The following FAF1 variants were observed in gnomAD, a reference collection of about 807,000 sequenced individuals.
FAF1 encodes the protein Fas associated factor 1.
In FAF1, 25 loss-of-function variants were observed where a neutral mutation model predicts 92.5. The observed-to-expected ratio is 0.27, with a 90% CI of 0.20 to 0.38. The LOEUF (loss-of-function observed/expected upper bound fraction) is 0.38. Ranked by LOEUF, FAF1 falls within the 10% of genes least tolerant of loss-of-function variation. The pLI, the probability that FAF1 is intolerant of heterozygous loss-of-function variation, is 1.00. For missense variants in FAF1, 636 were observed against 793.3 expected (o/e 0.80, Z 2.38); for synonymous variants, 234 against 273.2 (o/e 0.86, Z 1.42).
chr1:50,617,447 C>T (rs544454144), intron 8 of FAF1, among the ~76,000 whole-genome samples: 4 of 152,270 alleles, frequency 2.6e-5, no homozygotes, highest in African/African-American at 9.6e-5. Context: ...TGGTGAATCA[C>T]ATTTATTGAT....
Position 50,960,154 on chromosome 1 carries a change from G to A in FAF1, c.-343C>T, listed in dbSNP as rs1645305788. On this transcript the variant is annotated 5_prime_UTR_variant, in exon 1 of 19. Transcript: ENST00000396153. ...GACAGCGCGCACCCGGATACCTTCA[G>A]CGGCGTTAAGCCCGGCGGGGGCGGG... The A allele has an allele frequency of 3.0e-6, 1 of 338,028 alleles. No individual in the cohort carries two copies. The highest frequency in any genetic ancestry group is 4.1e-5 in the East Asian group (1 of 24,264). 20.9% of individuals were successfully genotyped at this position (338,028 alleles called of 1,614,324 possible). A position where few individuals can be genotyped will look rare whatever the true frequency, so the allele number is the denominator to read the frequency against.
At chr1:50,951,238 G>A (rs760355281) in intron 1 of FAF1, among the ~76,000 whole-genome samples, 9 of 152,076 alleles carry the variant, frequency 5.9e-5, no homozygotes, top group Admixed American at 1.3e-4. Flanking sequence ...TGTCTCAAAC[G>A]AACAAACAAA....
chr1:50,804,360 T>C (rs1015586348), intron 2 of FAF1, among the ~76,000 whole-genome samples: 2 of 152,146 alleles, frequency 1.3e-5, no homozygotes, highest in Admixed American at 1.3e-4. Context: ...CACTCAGCTA[T>C]CTTCTTTGTT....
At chr1:50,908,086 G>T (rs1286004114) in intron 1 of FAF1, among the ~76,000 whole-genome samples, 1 of 152,024 alleles carries the variant, frequency 6.6e-6, no homozygotes, top group Non-Finnish European at 1.5e-5. Context: ...CGTTCTCATT[G>T]GTTTCAAAGA....
intron 6 of FAF1, among the ~76,000 whole-genome samples, chr1:50,738,130 C>T (rs995030338): frequency 5.3e-5 from 8 of 152,044 alleles, no homozygotes; most frequent in African/African-American, 1.7e-4. Context: ...ACCCTCTATT[C>T]CAGAGAGAAA....
At chr1:50,489,408 C>A (rs999931748) in intron 17 of FAF1, among the ~76,000 whole-genome samples, 5 of 152,178 alleles carry the variant, frequency 3.3e-5, no homozygotes, top group Admixed American at 2.6e-4. Context: ...ATAAGTGAAT[C>A]TTGCCATTAA....
intron 2 of FAF1, among the ~76,000 whole-genome samples, chr1:50,832,748 T>C (rs1644165679): frequency 6.6e-6 from 1 of 152,194 alleles, no homozygotes; most frequent in African/African-American, 2.4e-5. Flanking sequence ...TTTCTGTGTG[T>C]TTTAGGGAGC....
intron 1 of FAF1, among the ~76,000 whole-genome samples, chr1:50,958,390 T>C (rs1439605276): frequency 1.3e-5 from 2 of 152,050 alleles, no homozygotes; most frequent in African/African-American, 2.4e-5. Flanking sequence ...TTTGTAAAAA[T>C]AAGGGCCGGG....
intron 1 of FAF1, among the ~76,000 whole-genome samples, chr1:50,912,019 A>G (rs1341316341): frequency 6.6e-6 from 1 of 151,772 alleles, no homozygotes; most frequent in Admixed American, 6.6e-5. Flanking sequence ...CCTAGGTGGC[A>G]GGGTAAGACA....
chr1:50,688,969 T>G (rs1021683829), intron 7 of FAF1, among the ~76,000 whole-genome samples: 5 of 152,080 alleles, frequency 3.3e-5, no homozygotes, highest in Admixed American at 6.6e-5. Context: ...ACTAGGGTGG[T>G]TACATTAAGA....
At chr1:50,533,567 G>A (rs1030674573) in intron 15 of FAF1, among the ~76,000 whole-genome samples, 11 of 151,984 alleles carry the variant, frequency 7.2e-5, no homozygotes, top group African/African-American at 1.9e-4. Flanking sequence ...GTAATACAGC[G>A]ATAAATAAAC....
intron 8 of FAF1, among the ~76,000 whole-genome samples, chr1:50,628,954 A>C (rs1653631428): frequency 1.3e-5 from 2 of 152,180 alleles, no homozygotes; most frequent in Admixed American, 6.5e-5. Context: ...GGTCATATCA[A>C]TATAATTCAG....
At chr1:50,866,406 G>A (rs1336229447) in intron 1 of FAF1, among the ~76,000 whole-genome samples, 1 of 151,996 alleles carries the variant, frequency 6.6e-6, no homozygotes, top group Non-Finnish European at 1.5e-5. Context: ...AACTGTTGAT[G>A]TTTGCCGATG....
chr1:50,547,247 T>C (rs147331905), intron 13 of FAF1, among the ~76,000 whole-genome samples: 47 of 152,066 alleles, frequency 3.1e-4, no homozygotes, highest in Middle Eastern at 3.4e-3. Context: ...AATGCACATA[T>C]TGTAAGCATG....
At chr1:50,590,966 A>G (rs1651473453) in intron 9 of FAF1, among the ~76,000 whole-genome samples, 2 of 149,800 alleles carry the variant, frequency 1.3e-5, no homozygotes, top group Non-Finnish European at 3.0e-5. Flanking sequence ...TGGGCAACAG[A>G]GCGAGACTCT....
At chr1:50,861,640 A>C (rs1216448974) in intron 1 of FAF1, among the ~76,000 whole-genome samples, 1 of 151,842 alleles carries the variant, frequency 6.6e-6, no homozygotes, top group East Asian at 1.9e-4. Context: ...AAAAGCCCAA[A>C]CTTTACCACT....
At chr1:50,542,732 A>G (rs754999724) in intron 13 of FAF1, among the ~76,000 whole-genome samples, 1 of 152,226 alleles carries the variant, frequency 6.6e-6, no homozygotes, top group Non-Finnish European at 1.5e-5. Context: ...GTTTTTAAAT[A>G]ATACAATTTC....
intron 9 of FAF1, among the ~76,000 whole-genome samples, chr1:50,593,175 G>A (rs1490985454): frequency 6.6e-6 from 1 of 152,110 alleles, no homozygotes; most frequent in East Asian, 1.9e-4. Flanking sequence ...TACCGAGGTT[G>A]TGAATGTTTT....
At chr1:50,474,204 C>A (rs368373234) in intron 18 of FAF1, among the ~76,000 whole-genome samples, 4 of 152,178 alleles carry the variant, frequency 2.6e-5, no homozygotes, top group Non-Finnish European at 2.9e-5. Context: ...AAAATCAGAT[C>A]CCTCTTTTAC....
Sources: allele counts gnomAD v4.1 joint callset (sites outside exome capture counted in the v4.1 genomes callset), GRCh38; gene constraint gnomAD v4.1.1; transcripts MANE v1.5; gene names NCBI Gene and HGNC (gene_info 2026-07-23, HGNC 2026-07-21).